Variants in ZCCHC7 observed in about 807,000 individuals in gnomAD.
ZCCHC7 encodes the protein zinc finger CCHC domain-containing protein 7.
In ZCCHC7, 35 loss-of-function variants were observed where a neutral mutation model predicts 52.0. That is an observed-to-expected ratio of 0.67 (90% CI 0.51 to 0.89). The LOEUF (loss-of-function observed/expected upper bound fraction) is 0.89. Among genes scored for constraint, ZCCHC7 ranks in the 40% least tolerant of loss-of-function variants. The pLI is 0.00. For synonymous variants in ZCCHC7, 217 were observed against 221.5 expected (o/e 0.98, Z 0.18); for missense variants, 574 against 649.1 (o/e 0.88, Z 1.26).
chr9:37,177,057 C>T (rs1000276991), intron 2 of ZCCHC7, among the ~76,000 whole-genome samples: 12 of 152,140 alleles, frequency 7.9e-5, no homozygotes, highest in African/African-American at 2.2e-4. Context: ...AAGCAAGGAT[C>T]TAGGCCGGGT....
intron 2 of ZCCHC7, among the ~76,000 whole-genome samples, chr9:37,296,568 A>G (rs1316909641): frequency 6.6e-6 from 1 of 151,808 alleles, no homozygotes; most frequent in African/African-American, 2.4e-5. Context: ...TTACAGGTAT[A>G]TACCAGCTAT....
At chr9:37,212,054 A>AAAAAAAAAAAAAAAAAG (rs1824261884) in intron 2 of ZCCHC7, among the ~76,000 whole-genome samples, 1 of 128,468 alleles carries the variant, frequency 7.8e-6, no homozygotes, top group Non-Finnish European at 1.7e-5. Flanking sequence ...AAAAAAAAAA[A>AAAAAAAAAAAAAAAAAG]AAAAAAAAAA....
At chr9:37,268,995 G>A (rs1036553933) in intron 2 of ZCCHC7, among the ~76,000 whole-genome samples, 2 of 152,194 alleles carry the variant, frequency 1.3e-5, no homozygotes, top group East Asian at 1.9e-4. Flanking sequence ...TTATGGTGAC[G>A]TTTAAGCTGA....
intron 2 of ZCCHC7, among the ~76,000 whole-genome samples, chr9:37,294,981 TTTAA>T (rs1200240835): frequency 1.3e-5 from 2 of 152,342 alleles, no homozygotes; most frequent in South Asian, 2.1e-4. Context: ...AGAAATGTTA[TTTAA>T]TTAATTAATT....
At chr9:37,305,506 T>A in intron 4 of ZCCHC7, 38 bp from the exon 5 acceptor site, 1 of 1,609,366 alleles carries the variant, frequency 6.2e-7, no homozygotes, top group Non-Finnish European at 8.5e-7. Flanking sequence ...TTCTACCTTT[T>A]GAGACTGAAG....
At chr9:37,126,261 C>A in intron 1 of ZCCHC7, 51 bp from the exon 2 acceptor site, 1 of 1,496,404 alleles carries the variant, frequency 6.7e-7, no homozygotes, top group South Asian at 1.3e-5. Flanking sequence ...CTTAAACTGG[C>A]ATGATCTGAA....
chr9:37,348,355 T>G (rs577288475), intron 6 of ZCCHC7, among the ~76,000 whole-genome samples: 7 of 125,696 alleles, frequency 5.6e-5, no homozygotes, highest in South Asian at 2.3e-4. Flanking sequence ...TCGTTCTTTC[T>G]TTCTTTCTTT....
Position 37,305,560 on chromosome 9 carries a change from T to G in ZCCHC7, c.797T>G (p.Phe266Cys), listed in dbSNP as rs1200842567. 6.2e-7 allele frequency: 1 copy of G among 1,613,994 alleles called. No individual in the cohort carries two copies. Among genetic ancestry groups the G allele is most frequent in the Non-Finnish European group, 8.5e-7 (1 of 1,180,000 alleles). The change falls in exon 5 of 9, where the codon TTC becomes TGC. Residue 266 changes from phenylalanine to cysteine, a missense_variant. Coordinates refer to ENST00000336755, the MANE Select transcript of ZCCHC7 (RefSeq NM_032226.3). Reference protein sequence around the residue: ...CPLPRKVRRCFLCSRRGHLLY... With the variant: ...CPLPRKVRRCCLCSRRGHLLY... Reference sequence around the variant, plus strand: ...GCCACATAGAAAGTTCGTCGCTGCTTCCTGTGCTCCAGGAGAGGACATCTC... The same window carrying G: ...GCCACATAGAAAGTTCGTCGCTGCTGCCTGTGCTCCAGGAGAGGACATCTC...
chr9:37,242,674 T>TA (rs1393664801), intron 2 of ZCCHC7, among the ~76,000 whole-genome samples: 2 of 151,852 alleles, frequency 1.3e-5, no homozygotes, highest in Non-Finnish European at 3.0e-5. Flanking sequence ...AAGCTCTTAT[T>TA]AAAAATGTGT....
chr9:37,236,850 A>T (rs914463924), intron 2 of ZCCHC7, among the ~76,000 whole-genome samples: 3 of 152,174 alleles, frequency 2.0e-5, no homozygotes, highest in African/African-American at 7.2e-5. Flanking sequence ...CAGTTGTTAC[A>T]TTTTGGCTTT....
chr9:37,241,635 C>T (rs1825877500), intron 2 of ZCCHC7, among the ~76,000 whole-genome samples: 1 of 151,778 alleles, frequency 6.6e-6, no homozygotes, highest in South Asian at 2.1e-4. Flanking sequence ...GCAGCAGTAT[C>T]TTCTAAAACA....
At chr9:37,298,386 T>C (rs543705497) in intron 2 of ZCCHC7, among the ~76,000 whole-genome samples, 1 of 152,254 alleles carries the variant, frequency 6.6e-6, no homozygotes, top group African/African-American at 2.4e-5. Context: ...TATATCAATA[T>C]CATCACCAGA....
In ZCCHC7 at chr9:37,216,709, T is replaced by G. The variant is rs77109462; in HGVS notation, c.611-85479T>G. 4.0e-3 allele frequency among the ~76,000 whole-genome samples: 603 copies of G among 152,166 alleles called. 3 individuals carry two copies. Among genetic ancestry groups the G allele is most frequent in the African/African-American group, 0.014 (564 of 41,536 alleles). The stretch of plus-strand genomic sequence containing the variant: ...TAAATAAATAAATAAAAAGTGTATC[T>G]TATAGGGAGAGCATTATCTCATTGC... On this transcript the variant is annotated intron_variant, in intron 2 of 8. Transcript: ENST00000336755.
intron 2 of ZCCHC7, among the ~76,000 whole-genome samples, chr9:37,189,588 A>G (rs1010638809): frequency 6.6e-6 from 1 of 152,092 alleles, no homozygotes; most frequent in Non-Finnish European, 1.5e-5. Context: ...CGGTTTCACC[A>G]TGTTGACCAG....
intron 5 of ZCCHC7, among the ~76,000 whole-genome samples, chr9:37,310,228 C>T (rs142360283): frequency 6.6e-6 from 1 of 152,340 alleles, no homozygotes; most frequent in East Asian, 1.9e-4. Context: ...TAGTCCCTTT[C>T]AGAAGACAAG....
intron 2 of ZCCHC7, among the ~76,000 whole-genome samples, chr9:37,235,479 C>T (rs987050994): frequency 3.4e-5 from 5 of 147,236 alleles, no homozygotes; most frequent in Non-Finnish European, 1.5e-5. Context: ...TCCTTCCTTC[C>T]TTTCTTTCCT....
chr9:37,276,315 T>G (rs1451591290), intron 2 of ZCCHC7, among the ~76,000 whole-genome samples: 2 of 152,244 alleles, frequency 1.3e-5, no homozygotes, highest in Non-Finnish European at 2.9e-5. Context: ...GCTTGCCTTT[T>G]CACTCTCTTA....
chr9:37,349,528 A>T (rs1239503293), intron 7 of ZCCHC7, 76 bp downstream of exon 7: 1 of 1,362,378 alleles, frequency 7.3e-7, no homozygotes, highest in South Asian at 1.2e-5. Flanking sequence ...CTCAAAAAGA[A>T]TGTAACTCTA....
At chr9:37,216,383 T>C (rs1824505264) in intron 2 of ZCCHC7, among the ~76,000 whole-genome samples, 1 of 152,140 alleles carries the variant, frequency 6.6e-6, no homozygotes, top group Admixed American at 6.6e-5. Context: ...AGAAAACATA[T>C]GTTTATCTTG....
Sources: allele counts gnomAD v4.1 joint callset (sites outside exome capture counted in the v4.1 genomes callset), GRCh38; gene constraint gnomAD v4.1.1; transcripts MANE v1.5; gene names NCBI Gene and HGNC (gene_info 2026-07-23, HGNC 2026-07-21).